Variants in CBLN2 observed in about 807,000 individuals in gnomAD.
CBLN2 encodes the protein cerebellin 2 precursor, also known as cerebellin-2.
In CBLN2, 7 loss-of-function variants were observed where a neutral mutation model predicts 15.0. The observed-to-expected ratio is 0.47, with a 90% CI of 0.27 to 0.88. CBLN2 has a LOEUF of 0.88. Ranked by LOEUF, CBLN2 falls within the 40% of genes least tolerant of loss-of-function variation. The pLI is 0.14. For missense variants in CBLN2, 242 were observed against 304.5 expected, an observed-to-expected ratio of 0.79 and a Z score of 1.53; for synonymous variants, 149 against 135.2, an observed-to-expected ratio of 1.10 and a Z score of -0.71.
intron 1 of CBLN2, among the ~76,000 whole-genome samples, chr18:72,554,153 A>G (rs1247072197): frequency 6.6e-6 from 1 of 152,092 alleles, no homozygotes; most frequent in African/African-American, 2.4e-5. Context: ...AAATTATAAG[A>G]TTATTCTTAT....
intron 1 of CBLN2, among the ~76,000 whole-genome samples, chr18:72,617,894 ATT>A (rs1378670464): frequency 6.6e-6 from 1 of 152,192 alleles, no homozygotes; most frequent in Non-Finnish European, 1.5e-5. Flanking sequence ...AAAGAGAGTA[ATT>A]ATGTTGTAAA....
chr18:72,587,760 A>T (rs1281721193), intron 1 of CBLN2, among the ~76,000 whole-genome samples: 1 of 152,208 alleles, frequency 6.6e-6, no homozygotes, highest in African/African-American at 2.4e-5. Flanking sequence ...TGTGCAATAT[A>T]GCTAGTGTCT....
chr18:72,547,688 G>GA (rs1200211706), upstream of CBLN2, among the ~76,000 whole-genome samples: 7 of 151,748 alleles, frequency 4.6e-5, no homozygotes, highest in South Asian at 6.2e-4. Flanking sequence ...GGGAATTTCA[G>GA]AAAAAAGAAA....
chr18:72,601,591 C>A (rs913559146), intron 1 of CBLN2, among the ~76,000 whole-genome samples: 2 of 152,192 alleles, frequency 1.3e-5, no homozygotes, highest in South Asian at 4.1e-4. Flanking sequence ...AAACTTGGGT[C>A]AGACTGGAAA....
chr18:72,593,992 A>G (rs764488622), intron 1 of CBLN2, among the ~76,000 whole-genome samples: 15 of 152,158 alleles, frequency 9.9e-5, no homozygotes, highest in Non-Finnish European at 1.5e-4. Context: ...AGGGACATGG[A>G]TGAAGCTGGA....
chr18:72,622,065 T>A (rs1359521406), intron 1 of CBLN2, among the ~76,000 whole-genome samples: 2 of 152,172 alleles, frequency 1.3e-5, no homozygotes, highest in Non-Finnish European at 2.9e-5. Context: ...ATAGGAAGAC[T>A]TTTCTCCTTA....
At chr18:72,559,617 A>G (rs534628145) in intron 1 of CBLN2, among the ~76,000 whole-genome samples, 1 of 152,392 alleles carries the variant, frequency 6.6e-6, no homozygotes, top group South Asian at 2.1e-4. Context: ...TTGATTGTGT[A>G]TTTGAAAAGA....
intron 1 of CBLN2, among the ~76,000 whole-genome samples, chr18:72,600,482 G>A (rs1353540307): frequency 6.6e-6 from 1 of 152,186 alleles, no homozygotes; most frequent in East Asian, 1.9e-4. Flanking sequence ...ACTAAGTGTA[G>A]TTTGTTAGTG....
At chr18:72,538,824 A>T (rs1326059036) in intron 3 of CBLN2, 52 bp from the exon 4 acceptor site, 2 of 1,596,290 alleles carry the variant, frequency 1.3e-6, no homozygotes, top group African/African-American at 1.3e-5. Flanking sequence ...TCCTCGGTGT[A>T]TGTTTTCATC....
chr18:72,588,303 T>G (rs1343692708), intron 1 of CBLN2, among the ~76,000 whole-genome samples: 2 of 152,232 alleles, frequency 1.3e-5, no homozygotes, highest in Admixed American at 6.5e-5. Context: ...AAATAAGGTT[T>G]ATTCACCCAC....
At chr18:72,570,903 T>G (rs1023136373) in intron 1 of CBLN2, among the ~76,000 whole-genome samples, 2 of 152,110 alleles carry the variant, frequency 1.3e-5, no homozygotes, top group Non-Finnish European at 2.9e-5. Flanking sequence ...TTGAGGGTCA[T>G]GAACAAATTT....
At chr18:72,596,843 T>A (rs759735090) in intron 1 of CBLN2, among the ~76,000 whole-genome samples, 1 of 152,204 alleles carries the variant, frequency 6.6e-6, no homozygotes, top group Non-Finnish European at 1.5e-5. Flanking sequence ...GTCTTTAAGA[T>A]CCTTTCTTTT....
intron 1 of CBLN2, among the ~76,000 whole-genome samples, chr18:72,575,565 C>T (rs947957077): frequency 3.9e-5 from 6 of 152,010 alleles, no homozygotes; most frequent in Non-Finnish European, 2.9e-5. Context: ...TCTCCAGGTC[C>T]TGTACTAAAA....
chr18:72,614,168 C>A (rs1234120841), intron 1 of CBLN2, among the ~76,000 whole-genome samples: 2 of 152,098 alleles, frequency 1.3e-5, no homozygotes, highest in Non-Finnish European at 2.9e-5. Flanking sequence ...AAAGTGGTAC[C>A]TTTACCTTTG....
chr18:72,569,686 G>A (rs978073243), intron 1 of CBLN2, among the ~76,000 whole-genome samples: 24 of 152,080 alleles, frequency 1.6e-4, no homozygotes, highest in African/African-American at 5.6e-4. Context: ...GAGAGAGGGA[G>A]CAGGTGCTAC....
rs150327653 is a variant in CBLN2 at position 72,564,090 on chromosome 18, G to A, written c.16-25318C>T. 4.9e-4 allele frequency among the ~76,000 whole-genome samples: 74 copies of A among 152,224 alleles called. 1 individual carries two copies. The East Asian group carries it at 0.013, about 27-fold the overall frequency. ...AAATCCATCTTATAAAACTAGAAAA[G>A]CTGACTGTTTCACCAGATATGCGGA... On this transcript the variant is annotated intron_variant, in intron 1 of 2. Transcript: ENST00000581073.
chr18:72,628,515 G>A (rs969185066), intron 1 of CBLN2, among the ~76,000 whole-genome samples: 19 of 152,188 alleles, frequency 1.2e-4, no homozygotes, highest in Non-Finnish European at 2.1e-4. Flanking sequence ...ATTGGACGGA[G>A]ATGGCCCGGC....
intron 1 of CBLN2, among the ~76,000 whole-genome samples, chr18:72,637,699 C>T (rs936039704): frequency 6.6e-6 from 1 of 151,974 alleles, no homozygotes; most frequent in East Asian, 1.9e-4. Context: ...TGTCTACCAT[C>T]GACAGGCACC....
intron 1 of CBLN2, chr18:72,620,387 G>A (rs1429795599): frequency 6.6e-6 from 1 of 152,242 alleles, no homozygotes; most frequent in Non-Finnish European, 1.5e-5. Context: ...GCTCTCAGCA[G>A]GAAGGGGAGC....
Sources: allele counts gnomAD v4.1 joint callset (sites outside exome capture counted in the v4.1 genomes callset), GRCh38; gene constraint gnomAD v4.1.1; transcripts MANE v1.5; gene names NCBI Gene and HGNC (gene_info 2026-07-23, HGNC 2026-07-21).